VPS13A: variants seen among roughly 807,000 people sequenced by gnomAD.
The protein encoded by VPS13A is intermembrane lipid transfer protein VPS13A.
In VPS13A, 264 loss-of-function variants were observed where a neutral mutation model predicts 390.9. That is an observed-to-expected ratio of 0.68 (90% CI 0.61 to 0.75). The LOEUF (loss-of-function observed/expected upper bound fraction) is 0.75, where lower values mean the gene tolerates loss of function less well. Among genes scored for constraint, VPS13A ranks in the 30% least tolerant of loss-of-function variants. The pLI is 0.00. For missense variants in VPS13A, 3,409 were observed against 3,733.9 expected, an observed-to-expected ratio of 0.91 and a Z score of 2.27; for synonymous variants, 1,231 against 1,227.1, an observed-to-expected ratio of 1.00 and a Z score of -0.07.
At chr9:77,226,624 A>T in intron 15 of VPS13A, 26 bp downstream of exon 15, 1 of 1,603,542 alleles carries the variant, frequency 6.2e-7, no homozygotes, top group Non-Finnish European at 8.5e-7. Flanking sequence ...TTTACAGCAT[A>T]GTTAATCACT....
chr9:77,414,854 C>G lies in VPS13A; in HGVS notation c.9475-1102C>G, dbSNP rs548777760. Among the ~76,000 whole-genome samples the G allele has an allele frequency of 8.5e-5, 13 of 152,218 alleles. No homozygotes were observed. The South Asian group carries it at 2.7e-3, about 32-fold the overall frequency. On this transcript the variant is annotated intron_variant, in intron 71 of 71. Coordinates refer to ENST00000360280, the MANE Select transcript of VPS13A (RefSeq NM_033305.3). Reference sequence around the variant, plus strand: ...CAGAAGAGATCCCTGGCCTCCTGCACTCATACAACACTCTGCGTTGATCCT... The same window carrying G: ...CAGAAGAGATCCCTGGCCTCCTGCAGTCATACAACACTCTGCGTTGATCCT...
At chr9:77,329,667 T>G (rs2131473069) in intron 45 of VPS13A, among the ~76,000 whole-genome samples, 1 of 152,334 alleles carries the variant, frequency 6.6e-6, no homozygotes, top group African/African-American at 2.4e-5. Context: ...GAGCACATGC[T>G]GTTAGAAAAA....
chr9:77,385,648 A>T (rs1291861168), intron 68 of VPS13A, among the ~76,000 whole-genome samples: 1 of 152,034 alleles, frequency 6.6e-6, no homozygotes, highest in Non-Finnish European at 1.5e-5. Context: ...GACGTACTTT[A>T]AAAAATTCTC....
intron 26 of VPS13A, 66 bp downstream of exon 26, chr9:77,276,287 T>C: frequency 7.3e-7 from 1 of 1,373,534 alleles, no homozygotes. Flanking sequence ...CTAGAGAGTT[T>C]TCAATTCTTT....
rs1212799976 is a variant in VPS13A at position 77,283,667 on chromosome 9, T to A, written c.3339+17T>A. The A allele has an allele frequency of 1.3e-6, 2 of 1,536,622 alleles. No homozygotes were observed. The highest frequency in any genetic ancestry group is 2.4e-5 in the East Asian group (1 of 42,246). ...TACAAAAAGGTAAGAATTCTTTTAA[T>A]TAAATAATAGTACATCATTAAATAG... On this transcript the variant is annotated intron_variant, in intron 31 of 71. Coordinates refer to ENST00000360280, the MANE Select transcript of VPS13A (RefSeq NM_033305.3).
intron 1 of VPS13A, among the ~76,000 whole-genome samples, chr9:77,199,111 T>C (rs1403969791): frequency 6.6e-6 from 1 of 152,244 alleles, no homozygotes; most frequent in African/African-American, 2.4e-5. Flanking sequence ...ATTTCTTCTT[T>C]CTGTTTTACC....
intron 1 of VPS13A, among the ~76,000 whole-genome samples, chr9:77,179,014 T>C (rs1823837286): frequency 6.6e-6 from 1 of 152,172 alleles, no homozygotes; most frequent in Non-Finnish European, 1.5e-5. Context: ...GCTAGGGATA[T>C]AGTGATAGCT....
Position 77,410,391 on chromosome 9 carries a change from C to T in VPS13A, c.9474+2784C>T, listed in dbSNP as rs60129909. On this transcript the variant is annotated intron_variant, in intron 71 of 71. Transcript: ENST00000360280. ...GCTAGGAAGAAACTGCATCAACTAACGAGCAAAATAACCAGCTAACATCAT... is the reference window on the plus strand; with the variant it reads ...GCTAGGAAGAAACTGCATCAACTAATGAGCAAAATAACCAGCTAACATCAT... 8.3e-3 allele frequency among the ~76,000 whole-genome samples: 1,256 copies of T among 151,598 alleles called. 22 individuals carry two copies. Among genetic ancestry groups the T allele is most frequent in the African/African-American group, 0.029 (1,191 of 41,280 alleles).
At chr9:77,187,698 T>C (rs1824426403) in intron 1 of VPS13A, among the ~76,000 whole-genome samples, 1 of 152,138 alleles carries the variant, frequency 6.6e-6, no homozygotes, top group Admixed American at 6.5e-5. Flanking sequence ...TTACCTTTTC[T>C]TCCTTTTTTT....
chr9:77,262,443 T>A (rs914367909), intron 23 of VPS13A, among the ~76,000 whole-genome samples: 14 of 152,150 alleles, frequency 9.2e-5, no homozygotes, highest in Non-Finnish European at 1.5e-4. Flanking sequence ...GGTTTTTTTT[T>A]ATTATTATAT....
At chr9:77,319,282 A>G (rs1829601207) in intron 41 of VPS13A, among the ~76,000 whole-genome samples, 2 of 151,932 alleles carry the variant, frequency 1.3e-5, no homozygotes, top group South Asian at 4.2e-4. Context: ...ATATGTGGAT[A>G]ATAATCTCTT....
chr9:77,253,591 T>TGC (rs1348812048), intron 22 of VPS13A, among the ~76,000 whole-genome samples: 2 of 151,948 alleles, frequency 1.3e-5, no homozygotes, highest in African/African-American at 4.8e-5. Flanking sequence ...AGGCATGAGC[T>TGC]GCCGCACCCG....
intron 26 of VPS13A, among the ~76,000 whole-genome samples, chr9:77,278,035 T>C (rs1826789054): frequency 6.6e-6 from 1 of 152,132 alleles, no homozygotes; most frequent in African/African-American, 2.4e-5. Context: ...AGGAACTTTA[T>C]AGCAGTTACT....
At chr9:77,215,842 T>G (rs914495758) in intron 10 of VPS13A, among the ~76,000 whole-genome samples, 1 of 152,234 alleles carries the variant, frequency 6.6e-6, no homozygotes, top group African/African-American at 2.4e-5. Context: ...TTTCTGGAAA[T>G]TACTTTTAGG....
intron 19 of VPS13A, among the ~76,000 whole-genome samples, chr9:77,240,208 G>A (rs1031616100): frequency 8.8e-5 from 13 of 148,132 alleles, no homozygotes; most frequent in Middle Eastern, 3.4e-3. Context: ...TCAGCCTCCC[G>A]AGTAGCTGGG....
At chr9:77,245,618 C>T (rs912618892) in intron 19 of VPS13A, among the ~76,000 whole-genome samples, 6 of 152,190 alleles carry the variant, frequency 3.9e-5, no homozygotes, top group Non-Finnish European at 8.8e-5. Flanking sequence ...TTGCTTCTTA[C>T]AGGCTATGGG....
At chr9:77,310,809 C>G (rs543061389) in intron 35 of VPS13A, among the ~76,000 whole-genome samples, 16 of 152,130 alleles carry the variant, frequency 1.1e-4, no homozygotes, top group East Asian at 7.7e-4. Flanking sequence ...ATTGATGTAA[C>G]AAGAAATAGA....
At chr9:77,189,255 A>C (rs1025813910) in intron 1 of VPS13A, among the ~76,000 whole-genome samples, 1 of 149,248 alleles carries the variant, frequency 6.7e-6, no homozygotes, top group Non-Finnish European at 1.5e-5. Context: ...TTTTACATTT[A>C]AGTCTTTAAT....
At chr9:77,240,478 GTTT>G (rs11351060) in intron 19 of VPS13A, among the ~76,000 whole-genome samples, 18 of 126,064 alleles carry the variant, frequency 1.4e-4, no homozygotes, top group East Asian at 4.4e-4. Context: ...TTATGTTTTT[GTTT>G]TTTTTTTTTT....
Sources: allele counts gnomAD v4.1 joint callset (sites outside exome capture counted in the v4.1 genomes callset), GRCh38; gene constraint gnomAD v4.1.1; transcripts MANE v1.5; gene names NCBI Gene and HGNC (gene_info 2026-07-23, HGNC 2026-07-21).